Variants in TIAM2 observed in about 807,000 individuals in gnomAD.
TIAM2 encodes TIAM Rac1 associated GEF 2, also known as rho guanine nucleotide exchange factor TIAM2.
Under a neutral mutation model 152.9 loss-of-function variants are expected in TIAM2, and 80 were observed. The ratio of observed to expected loss-of-function variants is 0.52; its 90% CI spans 0.44 to 0.63. The LOEUF is 0.63. Ranked by LOEUF, TIAM2 falls within the 30% of genes least tolerant of loss-of-function variation. The pLI is 0.00. For synonymous variants in TIAM2, 804 were observed against 838.0 expected (o/e 0.96, Z 0.70); for missense variants, 1,965 against 2,120.1 (o/e 0.93, Z 1.44).
intron 2 of TIAM2, among the ~76,000 whole-genome samples, chr6:155,108,455 C>T (rs1778751269): frequency 6.6e-6 from 1 of 152,204 alleles, no homozygotes; most frequent in Non-Finnish European, 1.5e-5. Flanking sequence ...CACTTGTCAC[C>T]TACTTTGATT....
intron 2 of TIAM2, among the ~76,000 whole-genome samples, chr6:155,095,986 T>G (rs1234964387): frequency 1.3e-5 from 2 of 152,196 alleles, no homozygotes; most frequent in Admixed American, 1.3e-4. Context: ...AAAACTTTGT[T>G]TTACCTTAGC....
At chr6:155,236,617 C>T (rs1003004080) in intron 15 of TIAM2, among the ~76,000 whole-genome samples, 11 of 152,082 alleles carry the variant, frequency 7.2e-5, no homozygotes, top group Non-Finnish European at 7.4e-5. Flanking sequence ...GAGCTGAGAT[C>T]GTGCCACTGC....
chr6:155,139,922 G>T (rs1779652007), intron 5 of TIAM2, among the ~76,000 whole-genome samples: 1 of 152,016 alleles, frequency 6.6e-6, no homozygotes, highest in Non-Finnish European at 1.5e-5. Context: ...CCTGGGCGAT[G>T]AGTGAAACTC....
intron 12 of TIAM2, among the ~76,000 whole-genome samples, chr6:155,180,194 G>A (rs979313926): frequency 6.6e-5 from 10 of 152,240 alleles, no homozygotes; most frequent in Non-Finnish European, 1.0e-4. Context: ...CAGGAGAATC[G>A]CTTGAACCTG....
intron 1 of TIAM2, among the ~76,000 whole-genome samples, chr6:155,032,558 T>C (rs1776845159): frequency 6.6e-6 from 1 of 152,136 alleles, no homozygotes; most frequent in Non-Finnish European, 1.5e-5. Flanking sequence ...TTTTCTTTTT[T>C]GAGACAGAGT....
At position 155,047,691 on chromosome 6, in the gene TIAM2, GAGAGAGAGAGAGAGCGA is replaced by G. The variant is rs1777216223; in HGVS notation, c.-208-42597_-208-42581del. On this transcript the variant is annotated intron_variant, in intron 1 of 26. Transcript: ENST00000682666. ...AGGAGAGAGAGAGAGAGAGAGAGGA[GAGAGAGAGAGAGAGCGA>G]GAGAGAGAGAGAGAGAGCGAGAGAG... Among the ~76,000 whole-genome samples the G allele has an allele frequency of 1.4e-3, 19 of 13,620 alleles. No individual in the cohort carries two copies. The East Asian group carries it at 0.02, about 14-fold the overall frequency. 8.9% of individuals were successfully genotyped at this position (13,620 alleles called of 152,430 possible).
rs577214442 is a variant in TIAM2, at chr6:155,006,682, CA to C, written c.-209+11205del. ...GACTGTCTCCCCCACCTCCCCCCAC[CA>C]AAAAAAAAAAAAAAGAAAAAAAAAA... is the stretch of plus-strand genomic sequence containing the variant. On this transcript the variant is annotated intron_variant, in intron 1 of 26. Coordinates refer to ENST00000682666, the MANE Select transcript of TIAM2 (RefSeq NM_012454.4). 4.6e-3 allele frequency among the ~76,000 whole-genome samples: 404 copies of C among 87,178 alleles called. 2 individuals carry two copies. Among genetic ancestry groups the C allele is most frequent in the East Asian group, 0.016 (48 of 3,056 alleles). The allele number at this position is 87,178 out of a possible 152,430, so 57.2% of individuals were successfully genotyped here. A position where few individuals can be genotyped will look rare whatever the true frequency, so the allele number is the denominator to read the frequency against.
intron 12 of TIAM2, among the ~76,000 whole-genome samples, chr6:155,180,108 C>T (rs1365757220): frequency 6.6e-6 from 1 of 152,124 alleles, no homozygotes; most frequent in Non-Finnish European, 1.5e-5. Context: ...GGAGAAACCC[C>T]CTCTCTACTA....
intron 9 of TIAM2, among the ~76,000 whole-genome samples, chr6:155,169,460 A>C (rs941969882): frequency 1.3e-5 from 2 of 152,242 alleles, no homozygotes; most frequent in African/African-American, 4.8e-5. Flanking sequence ...TTTTAAAATT[A>C]GTGACATGAC....
chr6:155,013,576 C>A (rs1016338859), intron 1 of TIAM2: 4 of 152,078 alleles, frequency 2.6e-5, no homozygotes, highest in Admixed American at 6.6e-5. Context: ...GGATTGAATC[C>A]CAGTTTGTCT....
At chr6:155,236,327 G>A (rs1442017509) in intron 15 of TIAM2, among the ~76,000 whole-genome samples, 2 of 151,962 alleles carry the variant, frequency 1.3e-5, no homozygotes, top group Non-Finnish European at 2.9e-5. Flanking sequence ...CAGTTCTCAT[G>A]CAGGCCACAC....
chr6:155,179,073 A>G lies in TIAM2; in HGVS notation c.2558A>G (p.Gln853Arg), dbSNP rs1562343978. 4 of 1,614,162 alleles carry G rather than the reference A, an allele frequency of 2.5e-6. No homozygotes were observed. The highest frequency in any genetic ancestry group is 3.4e-6 in the Non-Finnish European group (4 of 1,180,024). Residue 853 changes from glutamine to arginine, a missense_variant, in exon 11 of 27, where the codon CAG (glutamine) becomes CGG (arginine). Gln to Arg is a conservative substitution (Grantham distance 43). This residue lies in a region of TIAM2 where 1,025 missense variants were observed against 1,119.4 expected (regional missense o/e 0.92). Transcript: ENST00000682666. The part of the protein sequence containing the change: ...RQLEPSHYGL[Q>R]LRKLVDDNVE... The stretch of plus-strand genomic sequence containing the variant: ...TTGGAACCCAGCCATTATGGCCTAC[A>G]GCTTCGAAAATTAGTAGATGACAAT...
chr6:155,252,219 ATGCC>A (rs1173658151), intron 23 of TIAM2, among the ~76,000 whole-genome samples: 1 of 152,222 alleles, frequency 6.6e-6, no homozygotes, highest in East Asian at 1.9e-4. Context: ...ACGGTGGCTC[ATGCC>A]TGTAATCTCA....
intron 14 of TIAM2, among the ~76,000 whole-genome samples, chr6:155,208,028 C>T (rs1011615877): frequency 1.3e-5 from 2 of 152,164 alleles, no homozygotes; most frequent in Non-Finnish European, 2.9e-5. Context: ...GCCCTTGCCA[C>T]AGCTGAGTTC....
intron 10 of TIAM2, 83 bp from the exon 11 acceptor site, chr6:155,178,956 C>T: frequency 8.9e-7 from 1 of 1,119,346 alleles, no homozygotes; most frequent in Non-Finnish European, 1.3e-6. Context: ...GAGATTTCTA[C>T]TTTGATTTTT....
intron 2 of TIAM2, among the ~76,000 whole-genome samples, chr6:155,118,044 C>T (rs73794463): frequency 6.6e-6 from 1 of 152,360 alleles, no homozygotes; most frequent in African/African-American, 2.4e-5. Flanking sequence ...ACTGTGGACT[C>T]CTTTCCCAGA....
intron 1 of TIAM2, among the ~76,000 whole-genome samples, chr6:155,066,038 A>G (rs1255799712): frequency 6.6e-6 from 1 of 152,168 alleles, no homozygotes; most frequent in Non-Finnish European, 1.5e-5. Flanking sequence ...GTAGCATTTA[A>G]CTTTTGAAAC....
At chr6:155,232,122 G>C (rs1782502871) in intron 15 of TIAM2, among the ~76,000 whole-genome samples, 2 of 151,964 alleles carry the variant, frequency 1.3e-5, no homozygotes, top group African/African-American at 4.8e-5. Flanking sequence ...AACTGGGGAA[G>C]TAGTCATTCA....
At chr6:155,017,584 A>G (rs1317530250) in intron 1 of TIAM2, among the ~76,000 whole-genome samples, 1 of 146,498 alleles carries the variant, frequency 6.8e-6, no homozygotes, top group East Asian at 2.0e-4. Flanking sequence ...GCTCATTGCA[A>G]CCTCCGCCTC....
Sources: allele counts gnomAD v4.1 joint callset (sites outside exome capture counted in the v4.1 genomes callset), GRCh38; gene constraint gnomAD v4.1.1; regional missense constraint gnomAD v4.1.1; transcripts MANE v1.5; gene names NCBI Gene and HGNC (gene_info 2026-07-23, HGNC 2026-07-21).